The following JAZF1 variants were observed in gnomAD, a reference collection of about 807,000 sequenced individuals.
JAZF1 encodes JAZF zinc finger 1.
JAZF1 carries 8 observed loss-of-function variants against 26.4 expected under a neutral mutation model. The observed-to-expected ratio is 0.30, with a 90% CI of 0.18 to 0.55. The LOEUF is 0.55. Ranked by LOEUF, JAZF1 falls within the 20% of genes least tolerant of loss-of-function variation. The pLI, the probability that JAZF1 is intolerant of heterozygous loss-of-function variation, is 0.94. For missense variants in JAZF1, 199 were observed against 322.0 expected (o/e 0.62, Z 2.92); for synonymous variants, 126 against 122.3 (o/e 1.03, Z -0.20).
intron 1 of JAZF1, among the ~76,000 whole-genome samples, chr7:28,145,572 A>G (rs1313281866): frequency 1.3e-5 from 2 of 152,238 alleles, no homozygotes; most frequent in Non-Finnish European, 1.5e-5. Flanking sequence ...TTCATCCTCA[A>G]AGAGCACAGA....
At chr7:28,012,649 A>G (rs1162125334) in intron 1 of JAZF1, among the ~76,000 whole-genome samples, 1 of 152,150 alleles carries the variant, frequency 6.6e-6, no homozygotes, top group Non-Finnish European at 1.5e-5. Flanking sequence ...CAGAACTGGC[A>G]TTTCCAGTGG....
chr7:27,833,050 G>A, intron 4 of JAZF1, 74 bp from the exon 5 acceptor site: 1 of 1,269,422 alleles, frequency 7.9e-7, no homozygotes, highest in Non-Finnish European at 1.1e-6. Flanking sequence ...CTCAATTTGG[G>A]TCTGGATTGC....
intron 1 of JAZF1, among the ~76,000 whole-genome samples, chr7:28,040,601 A>AAGGC (rs2128377202): frequency 6.6e-6 from 1 of 152,248 alleles, no homozygotes; most frequent in South Asian, 2.1e-4. Flanking sequence ...GAGGAGGAGG[A>AAGGC]AGGCAGCCAT....
In JAZF1 at chr7:28,180,601, GGTGTC is replaced by G; in HGVS notation, c.-29_-25del. The G allele has an allele frequency of 6.3e-7, 1 of 1,590,942 alleles. No individual in the cohort carries two copies. Among genetic ancestry groups the G allele is most frequent in the South Asian group, 1.1e-5 (1 of 89,710 alleles). On this transcript the variant is annotated 5_prime_UTR_variant, in exon 1 of 5. Coordinates refer to ENST00000283928, the MANE Select transcript of JAZF1 (RefSeq NM_175061.4). ...ATGGTGCTACATCGAGAGCCCCCCT[GGTGTC>G]GGCTCTGCGAGCGCCGGGCGGGCGA...
intron 1 of JAZF1, among the ~76,000 whole-genome samples, chr7:28,086,890 T>C (rs1173848337): frequency 6.6e-6 from 1 of 152,074 alleles, no homozygotes; most frequent in Admixed American, 6.5e-5. Flanking sequence ...TTAAAAAGAG[T>C]TAACAACTTC....
intron 2 of JAZF1, among the ~76,000 whole-genome samples, chr7:27,989,675 A>G (rs1248929187): frequency 1.3e-5 from 2 of 152,268 alleles, no homozygotes; most frequent in Non-Finnish European, 2.9e-5. Context: ...CAACAGACAC[A>G]TGAAAAAATG....
chr7:28,146,864 G>A (rs369990420), intron 1 of JAZF1, among the ~76,000 whole-genome samples: 1 of 135,630 alleles, frequency 7.4e-6, no homozygotes, highest in African/African-American at 2.7e-5. Flanking sequence ...GTTTTTTTTT[G>A]TTTTTTTTTT....
At chr7:27,963,873 C>T (rs2128357883) in intron 2 of JAZF1, among the ~76,000 whole-genome samples, 1 of 152,176 alleles carries the variant, frequency 6.6e-6, no homozygotes, top group Non-Finnish European at 1.5e-5. Flanking sequence ...GGCAATGGCT[C>T]CATTTTTAAT....
In JAZF1 at chr7:28,161,159, A is replaced by C. The variant is rs113668433; in HGVS notation, c.115+19304T>G. On this transcript the variant is annotated intron_variant, in intron 1 of 4. Transcript: ENST00000283928. Reference sequence around the variant, plus strand: ...ATGTAAGGCTGTCGAAACAATAATAATATGTAGCACAATTCAGGCATTCAA... The same window carrying C: ...ATGTAAGGCTGTCGAAACAATAATACTATGTAGCACAATTCAGGCATTCAA... Among the ~76,000 whole-genome samples the C allele has an allele frequency of 2.4e-4, 36 of 151,956 alleles. 1 individual carries two copies. Among genetic ancestry groups the C allele is most frequent in the African/African-American group, 8.4e-4 (35 of 41,450 alleles).
At chr7:28,043,178 T>C (rs571493979) in intron 1 of JAZF1, among the ~76,000 whole-genome samples, 1 of 152,256 alleles carries the variant, frequency 6.6e-6, no homozygotes, top group East Asian at 1.9e-4. Flanking sequence ...GGAGGCAAGG[T>C]AGAGTACTAG....
At chr7:28,178,782 C>T (rs1425008094) in intron 1 of JAZF1, among the ~76,000 whole-genome samples, 1 of 152,224 alleles carries the variant, frequency 6.6e-6, no homozygotes, top group African/African-American at 2.4e-5. Context: ...TTGCCCAGCT[C>T]TTCTGTCATA....
At chr7:28,090,915 T>C (rs1784286158) in intron 1 of JAZF1, among the ~76,000 whole-genome samples, 1 of 146,426 alleles carries the variant, frequency 6.8e-6, no homozygotes, top group South Asian at 2.3e-4. Flanking sequence ...CAAGCTCCGC[T>C]TCCCGGGTTC....
At chr7:28,017,773 G>GT (rs1554282278) in intron 1 of JAZF1, among the ~76,000 whole-genome samples, 1 of 151,942 alleles carries the variant, frequency 6.6e-6, no homozygotes, top group Non-Finnish European at 1.5e-5. Flanking sequence ...TTTTGTTGTT[G>GT]TTGTTTGTTT....
rs1268932554 is a variant in JAZF1, at chr7:27,832,876, G to C, written c.656C>G (p.Ala219Gly). 7.4e-6 allele frequency: 12 copies of C among 1,613,274 alleles called. No individual in the cohort carries two copies. In the South Asian group the frequency reaches 8.8e-5, roughly 12 times the overall value. The change falls in exon 5 of 5, where the codon GCT (alanine) becomes GGT (glycine). Residue 219 changes from alanine to glycine, a missense_variant. Coordinates refer to ENST00000283928, the MANE Select transcript of JAZF1 (RefSeq NM_175061.4). ...GATTGTGTGGTGCCGCAGGCCCTGA[G>C]CTGTCTTGTAACTCTTCCCACAGCG... ...KCRCGKSYKT[A>G]QGLRHHTINF...
chr7:28,098,893 C>T (rs994184850), intron 1 of JAZF1, among the ~76,000 whole-genome samples: 6 of 152,124 alleles, frequency 3.9e-5, no homozygotes, highest in South Asian at 2.1e-4. Flanking sequence ...AAGGGAGGTC[C>T]GCTAGTCATG....
intron 1 of JAZF1, among the ~76,000 whole-genome samples, chr7:28,087,871 A>G (rs116465363): frequency 5.3e-5 from 8 of 152,352 alleles, no homozygotes; most frequent in African/African-American, 1.9e-4. Flanking sequence ...AAAGGAAAAA[A>G]ATAGTCAAAA....
At position 28,057,590 on chromosome 7, in the gene JAZF1, T is replaced by C. The variant is rs1783732752; in HGVS notation, c.116-65609A>G. ...ACATACACGAAAGTAAAGAGAATGT[T>C]ATAATGAATCTTCATGACCCATCAC... On this transcript the variant is annotated intron_variant, in intron 1 of 4. Coordinates refer to ENST00000283928, the MANE Select transcript of JAZF1 (RefSeq NM_175061.4). Among the ~76,000 whole-genome samples, 3 of 152,328 alleles carry C rather than the reference T, an allele frequency of 2.0e-5. No homozygotes were observed. The South Asian group carries it at 6.2e-4, about 32-fold the overall frequency.
intron 4 of JAZF1, among the ~76,000 whole-genome samples, chr7:27,837,891 T>A (rs1782847687): frequency 6.6e-6 from 1 of 152,098 alleles, no homozygotes; most frequent in African/African-American, 2.4e-5. Context: ...CACTCCCACT[T>A]CTTCTGGGGA....
At chr7:28,158,205 G>GGGA (rs1783223258) in intron 1 of JAZF1, among the ~76,000 whole-genome samples, 39 of 89,236 alleles carry the variant, frequency 4.4e-4, no homozygotes, top group African/African-American at 1.2e-3. Context: ...AGAGAGAGAG[G>GGGA]GAGAGAGAGA....
Sources: gnomAD v4.1 joint callset for allele counts (sites outside exome capture counted in the v4.1 genomes callset) on GRCh38, gnomAD v4.1.1 for gene constraint, MANE v1.5 for transcripts, NCBI Gene and HGNC (gene_info 2026-07-23, HGNC 2026-07-21) for gene names.